The following AKAP13 variants were observed in gnomAD, a reference collection of about 807,000 sequenced individuals.
AKAP13 encodes the protein A-kinase anchor protein 13.
A neutral mutation model predicts 264.5 loss-of-function variants in AKAP13; 80 were observed. The ratio of observed to expected loss-of-function variants is 0.30; its 90% confidence interval spans 0.25 to 0.36. The LOEUF (loss-of-function observed/expected upper bound fraction) is 0.36, where lower values mean the gene tolerates loss of function less well. Ranked by LOEUF, AKAP13 falls within the 10% of genes least tolerant of loss-of-function variation. AKAP13 has a pLI of 1.00. For synonymous variants in AKAP13, 1,380 were observed against 1,250.2 expected (o/e 1.10, Z -2.19); for missense variants, 3,712 against 3,435.2 (o/e 1.08, Z -2.01).
At chr15:85,655,160 C>G (rs1167292163) in intron 10 of AKAP13, among the ~76,000 whole-genome samples, 1 of 152,138 alleles carries the variant, frequency 6.6e-6, no homozygotes, top group South Asian at 2.1e-4. Flanking sequence ...CCACTGTACT[C>G]CAGCCTGGGC....
chr15:85,645,168 C>T (rs948602535), intron 9 of AKAP13, among the ~76,000 whole-genome samples: 4 of 152,044 alleles, frequency 2.6e-5, no homozygotes, highest in Non-Finnish European at 5.9e-5. Context: ...GAGAGAATAC[C>T]TTGCTTATTT....
chr15:85,671,878 C>T (rs1315304324), intron 14 of AKAP13, among the ~76,000 whole-genome samples: 1 of 152,198 alleles, frequency 6.6e-6, no homozygotes, highest in Non-Finnish European at 1.5e-5. Context: ...CTAGTACCAA[C>T]AGAATGTGTC....
chr15:85,474,659 A>G (rs1288436690), intron 1 of AKAP13, among the ~76,000 whole-genome samples: 1 of 152,234 alleles, frequency 6.6e-6, no homozygotes. Flanking sequence ...TAATTATGAC[A>G]TATACAAGTT....
chr15:85,469,930 C>G (rs370520479), intron 1 of AKAP13, among the ~76,000 whole-genome samples: 7 of 152,142 alleles, frequency 4.6e-5, no homozygotes, highest in Admixed American at 1.3e-4. Flanking sequence ...CTCAACCTCT[C>G]GCTACATGGG....
chr15:85,411,005 A>G lies in AKAP13; in HGVS notation c.-12+30207A>G, dbSNP rs955170449. Among the ~76,000 whole-genome samples the G allele has an allele frequency of 6.1e-5, 9 of 148,582 alleles. No homozygotes were observed. The East Asian group carries it at 1.5e-3, about 25-fold the overall frequency. ...GATGGATCTTCATTGATCCTATAAC[A>G]TTGGTTCTCCAAGTGTAGTCAGTAG... On this transcript the variant is annotated intron_variant, in intron 1 of 36. Transcript: ENST00000394518.
At chr15:85,629,513 T>A (rs760222413) in intron 8 of AKAP13, among the ~76,000 whole-genome samples, 1 of 152,118 alleles carries the variant, frequency 6.6e-6, no homozygotes, top group Non-Finnish European at 1.5e-5. Context: ...TTACTACTCA[T>A]TGGGGAGATC....
intron 9 of AKAP13, among the ~76,000 whole-genome samples, 176 bp downstream of exon 9, chr15:85,639,625 C>CT (rs35727345): frequency 0.64 from 97,188 of 151,956 alleles, 31,252 homozygotes; most frequent in Middle Eastern, 0.74. Flanking sequence ...ATGTAATTAC[C>CT]GAATTTTGTT....
chr15:85,602,698 C>T (rs1337262784), intron 8 of AKAP13, among the ~76,000 whole-genome samples: 1 of 152,092 alleles, frequency 6.6e-6, no homozygotes, highest in Non-Finnish European at 1.5e-5. Flanking sequence ...CCATGTTGGC[C>T]AGCCTGGTCT....
chr15:85,428,957 ATT>A (rs1218872686), intron 1 of AKAP13, among the ~76,000 whole-genome samples: 1 of 152,174 alleles, frequency 6.6e-6, no homozygotes, highest in African/African-American at 2.4e-5. Context: ...TACAATGTAG[ATT>A]TTGTTTTTCC....
chr15:85,496,067 C>CT (rs2075864602), intron 2 of AKAP13, among the ~76,000 whole-genome samples: 2 of 152,176 alleles, frequency 1.3e-5, no homozygotes, highest in Non-Finnish European at 1.5e-5. Flanking sequence ...ATGGCCAGCA[C>CT]TTAATACACA....
At chr15:85,626,085 A>T (rs1202967217) in intron 8 of AKAP13, among the ~76,000 whole-genome samples, 1 of 152,250 alleles carries the variant, frequency 6.6e-6, no homozygotes, top group Non-Finnish European at 1.5e-5. Flanking sequence ...CTTTCCACAC[A>T]CAGTACATAT....
intron 6 of AKAP13, among the ~76,000 whole-genome samples, chr15:85,578,437 T>C (rs2079086287): frequency 6.6e-6 from 1 of 152,166 alleles, no homozygotes; most frequent in African/African-American, 2.4e-5. Flanking sequence ...AACCTCCGCC[T>C]CCCGGGTACA....
intron 8 of AKAP13, among the ~76,000 whole-genome samples, chr15:85,637,590 C>A (rs2082119614): frequency 6.6e-6 from 1 of 151,922 alleles, no homozygotes; most frequent in Non-Finnish European, 1.5e-5. Flanking sequence ...CTTTTGGTTT[C>A]ATTGATTTTA....
At chr15:85,605,092 A>G (rs2080260600) in intron 8 of AKAP13, among the ~76,000 whole-genome samples, 2 of 148,636 alleles carry the variant, frequency 1.3e-5, no homozygotes, top group Admixed American at 6.8e-5. Flanking sequence ...CTAATTTCCT[A>G]GATAAACTAT....
chr15:85,565,342 G>T (rs772163395), intron 5 of AKAP13, among the ~76,000 whole-genome samples: 6 of 151,934 alleles, frequency 3.9e-5, no homozygotes, highest in Admixed American at 2.0e-4. Flanking sequence ...TTTTTGTCTG[G>T]TTTTTTAAAG....
intron 1 of AKAP13, among the ~76,000 whole-genome samples, chr15:85,442,489 T>A (rs1215271875): frequency 9.1e-6 from 1 of 109,738 alleles, no homozygotes; most frequent in African/African-American, 3.6e-5. Flanking sequence ...ATAATATATA[T>A]AATATATATT....
chr15:85,632,751 G>C (rs758914039), intron 8 of AKAP13, among the ~76,000 whole-genome samples: 4 of 152,160 alleles, frequency 2.6e-5, no homozygotes, highest in Non-Finnish European at 4.4e-5. Flanking sequence ...AAAATGACAG[G>C]AAAAGTATAG....
At chr15:85,479,019 T>G (rs2151040121) in intron 1 of AKAP13, among the ~76,000 whole-genome samples, 2 of 152,338 alleles carry the variant, frequency 1.3e-5, no homozygotes, top group Middle Eastern at 6.8e-3. Context: ...ACTGCTCAAT[T>G]ATTAATGTAG....
chr15:85,722,986 G>C, intron 25 of AKAP13, 86 bp from the exon 26 acceptor site: 1 of 1,519,934 alleles, frequency 6.6e-7, no homozygotes. Context: ...GGGAAAAGAT[G>C]ATATGGAGTG....
Sources: gnomAD v4.1 joint callset for allele counts (sites outside exome capture counted in the v4.1 genomes callset) on GRCh38, gnomAD v4.1.1 for gene constraint, MANE v1.5 for transcripts, NCBI Gene and HGNC (gene_info 2026-07-23, HGNC 2026-07-21) for gene names.